Variants in NAALADL2 observed in about 807,000 individuals in gnomAD.
NAALADL2 encodes inactive N-acetylated-alpha-linked acidic dipeptidase-like protein 2.
A neutral mutation model predicts 87.2 loss-of-function variants in NAALADL2; 76 were observed. The observed-to-expected ratio is 0.87, with a 90% CI of 0.72 to 1.05. The LOEUF (loss-of-function observed/expected upper bound fraction) is 1.05, where lower values mean the gene tolerates loss of function less well. Among genes scored for constraint, NAALADL2 ranks in the 50% least tolerant of loss-of-function variants. NAALADL2 has a pLI of 0.00. For missense variants in NAALADL2, 1,089 were observed against 945.8 expected (o/e 1.15, Z -1.99); for synonymous variants, 354 against 331.0 (o/e 1.07, Z -0.75).
chr3:175,484,519 C>A (rs532735239), intron 9 of NAALADL2, among the ~76,000 whole-genome samples: 41 of 152,128 alleles, frequency 2.7e-4, no homozygotes, highest in African/African-American at 9.6e-4. Flanking sequence ...AGTCAACTCA[C>A]TTTCTTTAAT....
chr3:175,175,312 A>T (rs1321653406), intron 2 of NAALADL2, among the ~76,000 whole-genome samples: 1 of 152,066 alleles, frequency 6.6e-6, no homozygotes, highest in African/African-American at 2.4e-5. Flanking sequence ...CGGAGTTTTT[A>T]AAAAATTCCA....
intron 1 of NAALADL2, among the ~76,000 whole-genome samples, chr3:174,495,523 TCACATACCA>T (rs1455744999): frequency 1.3e-5 from 2 of 152,200 alleles, no homozygotes; most frequent in East Asian, 3.9e-4. Flanking sequence ...TTTTGGTTTC[TCACATACCA>T]CAAGGGCATG....
At chr3:174,723,419 T>C (rs1353148330) in intron 2 of NAALADL2, among the ~76,000 whole-genome samples, 1 of 152,090 alleles carries the variant, frequency 6.6e-6, no homozygotes, top group South Asian at 2.1e-4. Flanking sequence ...ACTGTTATTA[T>C]TGAAACGATC....
intron 2 of NAALADL2, among the ~76,000 whole-genome samples, chr3:175,190,884 A>G (rs6775986): frequency 0.37 from 56,158 of 150,604 alleles, 10,886 homozygotes; most frequent in Admixed American, 0.45. Flanking sequence ...AGGCTGAGGC[A>G]GGAGAATGGC....
At chr3:175,596,360 C>T (rs1280330374) in intron 10 of NAALADL2, among the ~76,000 whole-genome samples, 2 of 151,876 alleles carry the variant, frequency 1.3e-5, no homozygotes, top group Non-Finnish European at 2.9e-5. Context: ...ATAAACTAAA[C>T]AAAGCTAAAT....
intron 9 of NAALADL2, among the ~76,000 whole-genome samples, chr3:175,548,689 T>A (rs1386139852): frequency 6.6e-6 from 1 of 152,042 alleles, no homozygotes; most frequent in African/African-American, 2.4e-5. Flanking sequence ...TGAAAGACAG[T>A]GCACAGTGCT....
At chr3:174,464,738 T>C (rs908292753) in intron 1 of NAALADL2, among the ~76,000 whole-genome samples, 2 of 151,992 alleles carry the variant, frequency 1.3e-5, no homozygotes, top group East Asian at 1.9e-4. Context: ...ATGCAATACA[T>C]ATAGTAATTT....
chr3:175,680,890 G>A (rs147668942), intron 11 of NAALADL2, among the ~76,000 whole-genome samples: 3,024 of 152,188 alleles, frequency 0.02, 105 homozygotes, highest in African/African-American at 0.067. Context: ...TGAGGCGGGC[G>A]GATCAAGAGG....
At chr3:175,787,002 G>T (rs1042932638) in intron 13 of NAALADL2, among the ~76,000 whole-genome samples, 3 of 152,076 alleles carry the variant, frequency 2.0e-5, no homozygotes, top group South Asian at 2.1e-4. Context: ...CTGCTGGGGG[G>T]TGCCTCCCAG....
chr3:174,937,621 A>C (rs553520213), intron 1 of NAALADL2, among the ~76,000 whole-genome samples: 19 of 152,184 alleles, frequency 1.2e-4, no homozygotes, highest in African/African-American at 4.6e-4. Flanking sequence ...GAGCCTAAAA[A>C]AAATTGCATT....
At chr3:175,394,551 T>C (rs1180804880) in intron 5 of NAALADL2, among the ~76,000 whole-genome samples, 1 of 152,224 alleles carries the variant, frequency 6.6e-6, no homozygotes, top group Non-Finnish European at 1.5e-5. Context: ...TTGAGATTCA[T>C]TGTGTTTTAC....
At chr3:174,848,745 A>G (rs1162880262) in intron 3 of NAALADL2, among the ~76,000 whole-genome samples, 1 of 152,222 alleles carries the variant, frequency 6.6e-6, no homozygotes, top group African/African-American at 2.4e-5. Context: ...ATGGGGATAC[A>G]TTCTGAGAAA....
intron 3 of NAALADL2, among the ~76,000 whole-genome samples, chr3:174,785,122 C>T (rs1178408940): frequency 1.3e-5 from 2 of 152,150 alleles, no homozygotes; most frequent in East Asian, 1.9e-4. Context: ...ATGACACTGT[C>T]ACCCATGTAG....
intron 2 of NAALADL2, among the ~76,000 whole-genome samples, chr3:174,718,688 A>G (rs969278625): frequency 1.3e-5 from 2 of 152,174 alleles, no homozygotes; most frequent in African/African-American, 4.8e-5. Flanking sequence ...GGTGAATTTC[A>G]GAATTTGGAT....
At position 174,964,379 on chromosome 3, in the gene NAALADL2, A is replaced by G. The variant is rs936153225; in HGVS notation, c.43+104929A>G. ...TGTTGGGAAGGAAATGAATATGACTAGAGCCTATGGGAGAGATCAGGACAG... is the reference window on the plus strand; with the variant it reads ...TGTTGGGAAGGAAATGAATATGACTGGAGCCTATGGGAGAGATCAGGACAG... On this transcript the variant is annotated intron_variant, in intron 1 of 13. Coordinates refer to ENST00000454872, the MANE Select transcript of NAALADL2 (RefSeq NM_207015.3). 2.0e-5 allele frequency among the ~76,000 whole-genome samples: 3 copies of G among 152,246 alleles called. No individual in the cohort carries two copies. In the East Asian group the frequency reaches 5.8e-4, roughly 29 times the overall value.
chr3:174,530,152 T>C (rs1386678855), intron 1 of NAALADL2, among the ~76,000 whole-genome samples: 2 of 152,186 alleles, frequency 1.3e-5, no homozygotes, highest in Non-Finnish European at 2.9e-5. Context: ...AGTGCTTTGC[T>C]GCCTAGAAAT....
intron 1 of NAALADL2, among the ~76,000 whole-genome samples, chr3:174,874,244 A>G (rs1167392457): frequency 6.6e-6 from 1 of 152,120 alleles, no homozygotes; most frequent in African/African-American, 2.4e-5. Context: ...AGTTATCTAC[A>G]TTTTCAGTGA....
intron 3 of NAALADL2, among the ~76,000 whole-genome samples, chr3:174,746,403 AC>A (rs1667108107): frequency 6.6e-6 from 1 of 152,204 alleles, no homozygotes; most frequent in Non-Finnish European, 1.5e-5. Flanking sequence ...AAGGAGTACT[AC>A]AAACCACTGC....
chr3:175,439,721 G>GTTTTTTTTTTTTTTT (rs1289691079), intron 5 of NAALADL2, among the ~76,000 whole-genome samples: 1 of 125,948 alleles, frequency 7.9e-6, no homozygotes, highest in Non-Finnish European at 1.7e-5. Flanking sequence ...TGTGTTTGTG[G>GTTTTTTTTTTTTTTT]TTTTTTTTTC....
Sources: gnomAD v4.1 joint callset for allele counts (sites outside exome capture counted in the v4.1 genomes callset) on GRCh38, gnomAD v4.1.1 for gene constraint, MANE v1.5 for transcripts, NCBI Gene and HGNC (gene_info 2026-07-23, HGNC 2026-07-21) for gene names.